The following FAM72D variants were observed in gnomAD, a reference collection of about 807,000 sequenced individuals.
FAM72D encodes RUMY family member 4.
For synonymous variants in FAM72D, 4 were observed against 35.1 expected (o/e 0.11, Z 3.13); for missense variants, 9 against 104.7 (o/e 0.09, Z 3.99).
intron 3 of FAM72D, among the ~76,000 whole-genome samples, chr1:145,107,444 G>T (rs1424564707): frequency 7.9e-6 from 1 of 126,244 alleles, no homozygotes; most frequent in Admixed American, 8.0e-5. Flanking sequence ...TCACCATGTT[G>T]GTCAGGCTGG....
At chr1:145,100,526 C>T (rs1654653954) in intron 2 of FAM72D, among the ~76,000 whole-genome samples, 1 of 133,048 alleles carries the variant, frequency 7.5e-6, no homozygotes, top group South Asian at 2.4e-4. Context: ...GAGTTTTGCT[C>T]TGTCGCCCAG....
chr1:145,104,124 C>T (rs1342948107), intron 3 of FAM72D, among the ~76,000 whole-genome samples: 1 of 148,154 alleles, frequency 6.7e-6, no homozygotes, highest in Non-Finnish European at 1.5e-5. Context: ...GCATTTCAGC[C>T]TGGGCAACAA....
At chr1:145,106,028 C>T (rs868907481) in intron 3 of FAM72D, among the ~76,000 whole-genome samples, 1 of 143,220 alleles carries the variant, frequency 7.0e-6, no homozygotes, top group African/African-American at 2.6e-5. Context: ...TTAGCTAGAT[C>T]TTCTGGATAA....
At chr1:145,108,063 C>CT (rs1655014961) in intron 3 of FAM72D, among the ~76,000 whole-genome samples, 1 of 140,370 alleles carries the variant, frequency 7.1e-6, no homozygotes, top group South Asian at 2.4e-4. Context: ...TCTTGGCTCA[C>CT]TGCAGCCTCG....
chr1:145,107,503 T>TGCTGGGA (rs1654981387), intron 3 of FAM72D, among the ~76,000 whole-genome samples: 1 of 125,946 alleles, frequency 7.9e-6, no homozygotes. Context: ...CCTCCCAAAG[T>TGCTGGGA]GCTGGGATTA....
In FAM72D at chr1:145,112,389, G is replaced by A. The variant is rs1179094901; in HGVS notation, c.*792G>A. 2 of 151,336 alleles carry A rather than the reference G, an allele frequency of 1.3e-5. No individual in the cohort carries two copies. The highest frequency in any genetic ancestry group is 4.9e-5 in the African/African-American group (2 of 40,924). The allele number at this position is 151,336 out of a possible 1,614,324, so 9.4% of individuals were successfully genotyped here. A position where few individuals can be genotyped will look rare whatever the true frequency, so the allele number is the denominator to read the frequency against. ...AAAAAAACTAAAGCGATTTGCTTAAGCCATTGTACATTATAAAGAGCTGTT... is the reference window on the plus strand; with the variant it reads ...AAAAAAACTAAAGCGATTTGCTTAAACCATTGTACATTATAAAGAGCTGTT... On this transcript the variant is annotated 3_prime_UTR_variant, in exon 4 of 4. Transcript: ENST00000400889.
chr1:145,107,166 G>A (rs1571202519), intron 3 of FAM72D, among the ~76,000 whole-genome samples: 1 of 142,644 alleles, frequency 7.0e-6, no homozygotes. Flanking sequence ...ATTTTAGTAA[G>A]AAAGTACACT....
At chr1:145,107,106 C>G (rs1261289672) in intron 3 of FAM72D, among the ~76,000 whole-genome samples, 1 of 77,454 alleles carries the variant, frequency 1.3e-5, no homozygotes, top group Non-Finnish European at 2.4e-5. Flanking sequence ...TGCACTCCAG[C>G]CTGGGCAACA....
rs1285045488 is a variant in FAM72D at position 145,105,548 on chromosome 1, C to T, written c.355+2417C>T. Among the ~76,000 whole-genome samples, 5 of 139,822 alleles carry T rather than the reference C, an allele frequency of 3.6e-5. No homozygotes were observed. The East Asian group carries it at 8.5e-4, about 24-fold the overall frequency. The allele number at this position is 139,822 out of a possible 152,430, so 91.7% of individuals were successfully genotyped here. A position where few individuals can be genotyped will look rare whatever the true frequency, so the allele number is the denominator to read the frequency against. ...ATTAGCTGGGCGTGGTGGTACATGC[C>T]CAGCTACTTGGGGGACTGAGGCAGA... is the stretch of plus-strand genomic sequence containing the variant. On this transcript the variant is annotated intron_variant, in intron 3 of 3. Coordinates refer to ENST00000400889, the MANE Select transcript of FAM72D (RefSeq NM_207418.3).
intron 3 of FAM72D, among the ~76,000 whole-genome samples, chr1:145,106,937 C>T (rs1553638476): frequency 5.5e-5 from 5 of 91,444 alleles, no homozygotes; most frequent in Admixed American, 1.1e-4. Context: ...ATTATTTTAG[C>T]AAGGCCAGGC....
At chr1:145,100,744 G>A (rs1654666331) in intron 2 of FAM72D, among the ~76,000 whole-genome samples, 1 of 150,066 alleles carries the variant, frequency 6.7e-6, no homozygotes, top group Non-Finnish European at 1.5e-5. Context: ...CGCCTGCCTT[G>A]GCCTCCCTAA....
chr1:145,102,041 T>A (rs1654733014), intron 2 of FAM72D, among the ~76,000 whole-genome samples: 1 of 130,230 alleles, frequency 7.7e-6, no homozygotes, highest in Admixed American at 7.3e-5. Flanking sequence ...GTAGGTTCAC[T>A]CTATTTAATA....
intron 2 of FAM72D, among the ~76,000 whole-genome samples, chr1:145,102,165 C>G (rs1553638025): frequency 9.5e-6 from 1 of 105,472 alleles, no homozygotes; most frequent in Non-Finnish European, 1.9e-5. Flanking sequence ...CTGTAGATTG[C>G]TTTATTTCTG....
intron 3 of FAM72D, among the ~76,000 whole-genome samples, chr1:145,105,671 G>A (rs1293620945): frequency 3.3e-5 from 5 of 150,466 alleles, no homozygotes; most frequent in Admixed American, 1.3e-4. Flanking sequence ...AGGAATAAGA[G>A]GCCGGGCGCG....
intron 3 of FAM72D, among the ~76,000 whole-genome samples, chr1:145,105,651 GA>G (rs200256929): frequency 1.0e-4 from 15 of 147,226 alleles, no homozygotes; most frequent in African/African-American, 2.3e-4. Flanking sequence ...AACTCCATCT[GA>G]AAAAAAAAAG....
At chr1:145,104,272 C>G (rs1571199888) in intron 3 of FAM72D, among the ~76,000 whole-genome samples, 2 of 142,294 alleles carry the variant, frequency 1.4e-5, no homozygotes, top group Middle Eastern at 7.1e-3. Flanking sequence ...GCAAACTGAT[C>G]AGGGTGGTGG....
rs587646721 is a variant in FAM72D, at chr1:145,105,608, T to G, written c.355+2477T>G. Among the ~76,000 whole-genome samples, 308 of 146,994 alleles carry G rather than the reference T, an allele frequency of 2.1e-3. 6 individuals carry two copies. Among genetic ancestry groups the G allele is most frequent in the Non-Finnish European group, 2.4e-3 (158 of 66,854 alleles). ...TGAACCCAGGAGGTGGAGTTTGAAG[T>G]GAGCCGAGATCGCACCATTGCACCA... On this transcript the variant is annotated intron_variant, in intron 3 of 3. Transcript: ENST00000400889.
rs1200940882 is a variant in FAM72D at position 145,112,480 on chromosome 1, G to C, written c.*883G>C. ...TGCATTCAGAGCTACAAAGGAATAG[G>C]AAAGTAGGGTAGTGTTGGATTCTGG... On this transcript the variant is annotated 3_prime_UTR_variant, in exon 4 of 4. Coordinates refer to ENST00000400889, the MANE Select transcript of FAM72D (RefSeq NM_207418.3). The C allele has an allele frequency of 6.8e-6, 1 of 147,392 alleles. No homozygotes were observed. Among genetic ancestry groups the C allele is most frequent in the Non-Finnish European group, 1.5e-5 (1 of 67,842 alleles). The allele number at this position is 147,392 out of a possible 1,614,324, so 9.1% of individuals were successfully genotyped here. A position where few individuals can be genotyped will look rare whatever the true frequency, so the allele number is the denominator to read the frequency against.
intron 3 of FAM72D, among the ~76,000 whole-genome samples, chr1:145,105,747 G>A (rs1654891759): frequency 6.7e-6 from 1 of 150,290 alleles, no homozygotes; most frequent in African/African-American, 2.5e-5. Flanking sequence ...GAGGTTGGGA[G>A]TTCGAGACCA....
Sources: gnomAD v4.1 joint callset for allele counts (sites outside exome capture counted in the v4.1 genomes callset) on GRCh38, gnomAD v4.1.1 for gene constraint, MANE v1.5 for transcripts, NCBI Gene and HGNC (gene_info 2026-07-23, HGNC 2026-07-21) for gene names.